NKAIN2: variants seen among roughly 807,000 people sequenced by gnomAD.
The protein encoded by NKAIN2 is sodium/potassium transporting ATPase interacting 2, also known as sodium/potassium-transporting ATPase subunit beta-1-interacting protein 2.
In NKAIN2, 14 loss-of-function variants were observed where a neutral mutation model predicts 32.6. That is an observed-to-expected ratio of 0.43 (90% CI 0.28 to 0.67). NKAIN2 has a LOEUF of 0.67. NKAIN2 is among the 30% of genes least tolerant of loss of function. The pLI, the probability that NKAIN2 is intolerant of heterozygous loss-of-function variation, is 0.17. For synonymous variants in NKAIN2, 80 were observed against 87.2 expected (o/e 0.92, Z 0.46); for missense variants, 198 against 258.3 (o/e 0.77, Z 1.60).
intron 1 of NKAIN2, among the ~76,000 whole-genome samples, chr6:124,041,054 G>A (rs1162482158): frequency 6.6e-6 from 1 of 151,944 alleles, no homozygotes; most frequent in Non-Finnish European, 1.5e-5. Context: ...TCAGAAATTG[G>A]GAGAGTAATT....
intron 1 of NKAIN2, among the ~76,000 whole-genome samples, chr6:123,900,539 T>G (rs1487660725): frequency 1.0e-4 from 9 of 87,586 alleles, no homozygotes; most frequent in Admixed American, 2.1e-4. Context: ...TTAGTTTTTT[T>G]TTTTTTTTTT....
intron 1 of NKAIN2, among the ~76,000 whole-genome samples, chr6:124,036,383 A>C (rs1380909021): frequency 6.6e-6 from 1 of 152,108 alleles, no homozygotes; most frequent in Non-Finnish European, 1.5e-5. Context: ...CTGAAATTTC[A>C]GGGAGACTGG....
At chr6:124,711,990 G>T (rs1030090594) in intron 4 of NKAIN2, among the ~76,000 whole-genome samples, 2 of 151,990 alleles carry the variant, frequency 1.3e-5, no homozygotes, top group African/African-American at 4.8e-5. Flanking sequence ...TGTACAGATG[G>T]GTTTTTGGTG....
chr6:123,858,271 A>G (rs915694449), intron 1 of NKAIN2, among the ~76,000 whole-genome samples: 1 of 151,970 alleles, frequency 6.6e-6, no homozygotes, highest in African/African-American at 2.4e-5. Flanking sequence ...GCCCACCACC[A>G]CACCTGGCTA....
At chr6:124,065,622 T>C (rs1783130516) in intron 1 of NKAIN2, among the ~76,000 whole-genome samples, 1 of 152,134 alleles carries the variant, frequency 6.6e-6, no homozygotes, top group Non-Finnish European at 1.5e-5. Flanking sequence ...ACACCAAAAG[T>C]TGGTGCCTTG....
intron 1 of NKAIN2, among the ~76,000 whole-genome samples, chr6:124,117,820 A>G (rs1785688312): frequency 6.6e-6 from 1 of 151,242 alleles, no homozygotes. Flanking sequence ...ATCATATAAT[A>G]TTTATTCAAT....
intron 4 of NKAIN2, among the ~76,000 whole-genome samples, chr6:124,685,239 T>C (rs1773811596): frequency 1.3e-5 from 2 of 152,096 alleles, no homozygotes; most frequent in Non-Finnish European, 2.9e-5. Flanking sequence ...GAAAATGGAG[T>C]AACATTAAAA....
chr6:123,823,605 C>G (rs937511951), intron 1 of NKAIN2, among the ~76,000 whole-genome samples: 3 of 152,066 alleles, frequency 2.0e-5, no homozygotes, highest in Non-Finnish European at 4.4e-5. Flanking sequence ...CTTATCAACT[C>G]AGTCTTGGGC....
In NKAIN2 at chr6:123,878,390, T is replaced by C. The variant is rs531564424; in HGVS notation, c.54+74136T>C. Among the ~76,000 whole-genome samples the C allele has an allele frequency of 3.2e-4, 49 of 152,328 alleles. 1 individual carries two copies. The South Asian group carries it at 9.7e-3, about 30-fold the overall frequency. On this transcript the variant is annotated intron_variant, in intron 1 of 6. Transcript: ENST00000368417. ...TATTAGGTTCAACTATTCTATTATT[T>C]TTTAAAGATGTCAGAACCTTTGTTC...
chr6:124,386,902 T>C (rs1772924874), intron 3 of NKAIN2, among the ~76,000 whole-genome samples: 1 of 152,190 alleles, frequency 6.6e-6, no homozygotes, highest in Non-Finnish European at 1.5e-5. Flanking sequence ...TTACAATTCT[T>C]CTACCCATGC....
chr6:124,594,707 T>G (rs1782022413), intron 3 of NKAIN2, among the ~76,000 whole-genome samples: 1 of 151,862 alleles, frequency 6.6e-6, no homozygotes, highest in Non-Finnish European at 1.5e-5. Flanking sequence ...TAATTATCAT[T>G]AGGTGGATGT....
At chr6:124,168,978 TA>T (rs1788709301) in intron 1 of NKAIN2, among the ~76,000 whole-genome samples, 1 of 152,162 alleles carries the variant, frequency 6.6e-6, no homozygotes. Context: ...TTAGTAAAGC[TA>T]GTTAAAAAAT....
intron 3 of NKAIN2, among the ~76,000 whole-genome samples, chr6:124,409,898 A>C (rs1464748056): frequency 6.6e-6 from 1 of 152,144 alleles, no homozygotes; most frequent in Non-Finnish European, 1.5e-5. Context: ...TCAGAGATTC[A>C]ACTGCTTCCT....
At chr6:124,563,343 A>G (rs1033774738) in intron 3 of NKAIN2, among the ~76,000 whole-genome samples, 2 of 152,242 alleles carry the variant, frequency 1.3e-5, no homozygotes, top group Non-Finnish European at 2.9e-5. Flanking sequence ...ACTGAGACCT[A>G]AAACAATCGT....
At chr6:124,315,218 T>C (rs1293764117) in intron 2 of NKAIN2, among the ~76,000 whole-genome samples, 1 of 152,076 alleles carries the variant, frequency 6.6e-6, no homozygotes, top group African/African-American at 2.4e-5. Flanking sequence ...CAACAAGTCT[T>C]GCATCTTGGG....
intron 1 of NKAIN2, among the ~76,000 whole-genome samples, chr6:124,176,161 A>T (rs1789145025): frequency 6.6e-6 from 1 of 152,240 alleles, no homozygotes; most frequent in African/African-American, 2.4e-5. Flanking sequence ...TGTCTAAAAA[A>T]GTGCATACTT....
intron 1 of NKAIN2, among the ~76,000 whole-genome samples, chr6:124,192,044 A>T (rs1320949242): frequency 6.6e-6 from 1 of 151,336 alleles, no homozygotes; most frequent in Non-Finnish European, 1.5e-5. Context: ...ATTTTTGAAG[A>T]CTCCACGTTT....
At chr6:124,792,389 C>T (rs1414813819) in intron 5 of NKAIN2, among the ~76,000 whole-genome samples, 1 of 152,026 alleles carries the variant, frequency 6.6e-6, no homozygotes, top group African/African-American at 2.4e-5. Flanking sequence ...CGTACTCATA[C>T]ATGATCTAAA....
intron 3 of NKAIN2, among the ~76,000 whole-genome samples, chr6:124,402,424 T>TC (rs551301572): frequency 1.5e-3 from 231 of 152,364 alleles, no homozygotes; most frequent in Non-Finnish European, 2.5e-3. Flanking sequence ...AGTCAAGTGT[T>TC]CCTATATACA....
Sources: allele counts gnomAD v4.1 joint callset (sites outside exome capture counted in the v4.1 genomes callset), GRCh38; gene constraint gnomAD v4.1.1; transcripts MANE v1.5; gene names NCBI Gene and HGNC (gene_info 2026-07-23, HGNC 2026-07-21).